Variants in SLCO3A1 observed in about 807,000 individuals in gnomAD.
SLCO3A1 encodes the protein PGE1 transporter.
In SLCO3A1, 27 loss-of-function variants were observed where a neutral mutation model predicts 63.1. The observed-to-expected ratio is 0.43, with a 90% CI of 0.32 to 0.59. SLCO3A1 has a LOEUF of 0.59. SLCO3A1 is among the 20% of genes least tolerant of loss of function. The pLI is 0.09. For synonymous variants in SLCO3A1, 473 were observed against 409.9 expected, an observed-to-expected ratio of 1.15 and a Z score of -1.86; for missense variants, 773 against 945.8, an observed-to-expected ratio of 0.82 and a Z score of 2.40.
At chr15:92,094,573 GA>G (rs1343877839) in intron 2 of SLCO3A1, among the ~76,000 whole-genome samples, 1 of 152,178 alleles carries the variant, frequency 6.6e-6, no homozygotes, top group Non-Finnish European at 1.5e-5. Flanking sequence ...GTGGATGGCA[GA>G]AAAAATATTT....
At chr15:92,020,236 CACTA>C (rs67334822) in intron 2 of SLCO3A1, among the ~76,000 whole-genome samples, 30,511 of 151,902 alleles carry the variant, frequency 0.2, 3,273 homozygotes, top group African/African-American at 0.24. Flanking sequence ...CACACACACA[CACTA>C]TATATATATG....
intron 1 of SLCO3A1, among the ~76,000 whole-genome samples, chr15:91,899,791 AACCT>A (rs768611648): frequency 3.5e-4 from 53 of 152,312 alleles, no homozygotes; most frequent in Middle Eastern, 6.8e-3. Context: ...TCTTCCAGAC[AACCT>A]ACTTTCTTTC....
In SLCO3A1 at chr15:91,894,361, C is replaced by G. The variant is rs1243736333; in HGVS notation, c.181-21632C>G. On this transcript the variant is annotated intron_variant, in intron 1 of 9. Coordinates refer to ENST00000318445, the MANE Select transcript of SLCO3A1 (RefSeq NM_013272.4). This position sits in a 1 kb window ranked among gnomAD's most constrained non-coding sequence, Gnocchi z 4.8. Reference sequence around the variant, plus strand: ...CTTGCCATGATGTGACTTTGGTACTCAAAATATCTAATTGCCATGTAGTGT... The same window carrying G: ...CTTGCCATGATGTGACTTTGGTACTGAAAATATCTAATTGCCATGTAGTGT... Among the ~76,000 whole-genome samples the G allele has an allele frequency of 6.6e-6, 1 of 151,948 alleles. No homozygotes were observed. Among genetic ancestry groups the G allele is most frequent in the Non-Finnish European group, 1.5e-5 (1 of 68,002 alleles).
intron 2 of SLCO3A1, among the ~76,000 whole-genome samples, chr15:92,017,772 C>T (rs987380432): frequency 1.3e-5 from 2 of 152,104 alleles, no homozygotes; most frequent in African/African-American, 4.8e-5. Flanking sequence ...GCACATGACA[C>T]CTCCCAGGAT....
chr15:92,164,587 A>C lies in SLCO3A1; in HGVS notation c.*1452A>C. ...GATAGGAAAGAAGAACAGTTCCCTA[A>C]CACAAGCTGTTAAGAAGTCTGTAGC... On this transcript the variant is annotated 3_prime_UTR_variant, in exon 10 of 10. Transcript: ENST00000318445. 1 of 963,462 alleles carries C rather than the reference A, an allele frequency of 1.0e-6. No homozygotes were observed. Among genetic ancestry groups the C allele is most frequent in the Non-Finnish European group, 1.2e-6 (1 of 821,924 alleles). 59.7% of individuals were successfully genotyped at this position (963,462 alleles called of 1,614,324 possible).
chr15:92,061,877 T>C (rs2047090564), intron 2 of SLCO3A1, among the ~76,000 whole-genome samples: 1 of 152,220 alleles, frequency 6.6e-6, no homozygotes, highest in Non-Finnish European at 1.5e-5. Context: ...CCACAAGGGT[T>C]TAGCTACATG....
At chr15:91,953,685 G>A (rs950515414) in intron 2 of SLCO3A1, among the ~76,000 whole-genome samples, 1 of 152,144 alleles carries the variant, frequency 6.6e-6, no homozygotes, top group African/African-American at 2.4e-5. Flanking sequence ...TCCCACCTCT[G>A]TTTACCTCTG....
chr15:91,973,224 T>C (rs1900950976), intron 2 of SLCO3A1, among the ~76,000 whole-genome samples: 1 of 152,200 alleles, frequency 6.6e-6, no homozygotes, highest in Non-Finnish European at 1.5e-5. Context: ...GAAGTGGTCT[T>C]GGATATCCAA....
intron 2 of SLCO3A1, among the ~76,000 whole-genome samples, chr15:91,934,250 A>C (rs1392493147): frequency 6.6e-6 from 1 of 152,180 alleles, no homozygotes; most frequent in Non-Finnish European, 1.5e-5. Flanking sequence ...GGGGAAGTAC[A>C]CTACTTTGAC....
intron 2 of SLCO3A1, among the ~76,000 whole-genome samples, chr15:91,955,808 C>T (rs1871276766): frequency 1.3e-5 from 2 of 152,122 alleles, no homozygotes; most frequent in African/African-American, 2.4e-5. Flanking sequence ...GACCAATAAG[C>T]AAAACAAACA....
chr15:91,916,566 G>C lies in SLCO3A1; in HGVS notation c.646+108G>C. 1.3e-6 allele frequency: 1 copy of C among 797,180 alleles called. No individual in the cohort carries two copies. The highest frequency in any genetic ancestry group is 2.8e-5 in the East Asian group (1 of 36,328). 49.4% of individuals were successfully genotyped at this position (797,180 alleles called of 1,614,324 possible). ...GCCAGAGTACTGGTTCTCAGACTTG[G>C]CTGCACACCTAGTGTTCTTGAAAAA... On this transcript the variant is annotated intron_variant, in intron 2 of 9. Coordinates refer to ENST00000318445, the MANE Select transcript of SLCO3A1 (RefSeq NM_013272.4). This position sits in a 1 kb window ranked among gnomAD's most constrained non-coding sequence, Gnocchi z 6.2.
At chr15:91,964,715 G>A (rs1177468039) in intron 2 of SLCO3A1, among the ~76,000 whole-genome samples, 1 of 151,870 alleles carries the variant, frequency 6.6e-6, no homozygotes, top group African/African-American at 2.4e-5. Context: ...GAAGCAAGCT[G>A]GGTACTAACA....
intron 1 of SLCO3A1, among the ~76,000 whole-genome samples, chr15:91,880,170 C>CATCCATCT (rs1337739872): frequency 4.8e-5 from 6 of 126,184 alleles, no homozygotes; most frequent in African/African-American, 1.9e-4. Flanking sequence ...TCCATCCATC[C>CATCCATCT]ATCTATCTAT....
At chr15:91,992,231 T>C (rs187528952) in intron 2 of SLCO3A1, among the ~76,000 whole-genome samples, 1 of 152,352 alleles carries the variant, frequency 6.6e-6, no homozygotes, top group East Asian at 1.9e-4. Flanking sequence ...AGGAAGCCAC[T>C]GTAAAATGGG....
intron 2 of SLCO3A1, among the ~76,000 whole-genome samples, chr15:91,925,908 C>T (rs1453434168): frequency 6.6e-6 from 1 of 152,198 alleles, no homozygotes; most frequent in African/African-American, 2.4e-5. Context: ...ATTATCCTTT[C>T]CAACATCTAC....
chr15:91,938,852 G>A (rs956543423), intron 2 of SLCO3A1, among the ~76,000 whole-genome samples: 1 of 152,272 alleles, frequency 6.6e-6, no homozygotes, highest in South Asian at 2.1e-4. Context: ...ACCACAGAAG[G>A]TTAATCAGGG....
intron 2 of SLCO3A1, among the ~76,000 whole-genome samples, chr15:92,008,146 C>T (rs1224838386): frequency 6.6e-6 from 1 of 152,100 alleles, no homozygotes; most frequent in Non-Finnish European, 1.5e-5. Flanking sequence ...ACTGAAAGAC[C>T]TTTTTTTCTT....
chr15:92,171,516 C>T (rs913870053), intron 10 of SLCO3A1: 2 of 413,522 alleles, frequency 4.8e-6, no homozygotes, highest in Non-Finnish European at 8.8e-6. Context: ...TCATCCCCGA[C>T]ATCTGCTTGG....
intron 4 of SLCO3A1, among the ~76,000 whole-genome samples, chr15:92,113,657 T>A (rs533402476): frequency 1.3e-5 from 2 of 152,234 alleles, no homozygotes; most frequent in Non-Finnish European, 2.9e-5. Flanking sequence ...TCCGCAGCAA[T>A]GAAACCATGG....
Sources: gnomAD v4.1 joint callset for allele counts (sites outside exome capture counted in the v4.1 genomes callset) on GRCh38, gnomAD v4.1.1 for gene constraint, Gnocchi (gnomAD v3.1) non-coding constraint, MANE v1.5 for transcripts, NCBI Gene and HGNC (gene_info 2026-07-23, HGNC 2026-07-21) for gene names.